DOK6: variants seen among roughly 807,000 people sequenced by gnomAD.
The protein encoded by DOK6 is downstream of tyrosine kinase 6.
In DOK6, 22 loss-of-function variants were observed where a neutral mutation model predicts 44.0. The ratio of observed to expected loss-of-function variants is 0.50; its 90% CI spans 0.36 to 0.71. The LOEUF (loss-of-function observed/expected upper bound fraction) is 0.71. Ranked by LOEUF, DOK6 falls within the 30% of genes least tolerant of loss-of-function variation. DOK6 has a pLI of 0.00. For missense variants in DOK6, 340 were observed against 416.4 expected, an observed-to-expected ratio of 0.82 and a Z score of 1.60; for synonymous variants, 166 against 145.5, an observed-to-expected ratio of 1.14 and a Z score of -1.01.
rs3044887 is a variant in DOK6 at position 69,485,881 on chromosome 18, A to ATGTGTGTGTGTGTG, written c.67-78594_67-78581dup. Among the ~76,000 whole-genome samples, 1,423 of 147,168 alleles carry ATGTGTGTGTGTGTG rather than the reference A, an allele frequency of 9.7e-3. 24 individuals are homozygous for ATGTGTGTGTGTGTG. The highest frequency in any genetic ancestry group is 0.033 in the African/African-American group (1,336 of 40,032). On this transcript the variant is annotated intron_variant, in intron 1 of 7. Coordinates refer to ENST00000382713, the MANE Select transcript of DOK6 (RefSeq NM_152721.6). The stretch of plus-strand genomic sequence containing the variant: ...ATCCATATATATAGTATACGTATAT[A>ATGTGTGTGTGTGTG]TGTGTGTGTGTGTGTGTGTGTGTGT...
chr18:69,582,405 A>G (rs1187102388), intron 2 of DOK6, among the ~76,000 whole-genome samples: 1 of 152,218 alleles, frequency 6.6e-6, no homozygotes, highest in South Asian at 2.1e-4. Context: ...CATGATTGGC[A>G]GTTAACTTGT....
intron 1 of DOK6, among the ~76,000 whole-genome samples, chr18:69,458,222 G>C (rs915902022): frequency 6.6e-6 from 1 of 152,152 alleles, no homozygotes; most frequent in African/African-American, 2.4e-5. Context: ...CTTTATTCCT[G>C]GGATGCAAGG....
intron 2 of DOK6, among the ~76,000 whole-genome samples, chr18:69,593,874 TG>T (rs1399784101): frequency 1.3e-5 from 2 of 152,202 alleles, no homozygotes; most frequent in Non-Finnish European, 2.9e-5. Context: ...ATATCATTCT[TG>T]TGTTTATCTT....
At chr18:69,479,268 A>G (rs1980353582) in intron 1 of DOK6, among the ~76,000 whole-genome samples, 1 of 152,152 alleles carries the variant, frequency 6.6e-6, no homozygotes, top group Admixed American at 6.5e-5. Flanking sequence ...AGTTGAAAAT[A>G]TGAGAATAAA....
chr18:69,652,508 G>C (rs1321068085), intron 3 of DOK6, among the ~76,000 whole-genome samples: 1 of 152,184 alleles, frequency 6.6e-6, no homozygotes, highest in Non-Finnish European at 1.5e-5. Context: ...TTGAGGAGTA[G>C]ATGAGTTTAT....
intron 1 of DOK6, among the ~76,000 whole-genome samples, chr18:69,408,257 G>A (rs1274927217): frequency 4.6e-5 from 7 of 152,174 alleles, no homozygotes; most frequent in Admixed American, 4.6e-4. Flanking sequence ...TTGGTTTAAA[G>A]CTGATACAAT....
intron 7 of DOK6, among the ~76,000 whole-genome samples, chr18:69,786,952 A>G (rs185525069): frequency 1.4e-3 from 209 of 152,358 alleles, no homozygotes; most frequent in African/African-American, 4.9e-3. Flanking sequence ...TTGGTGGCTC[A>G]CGCCTGTAAT....
At chr18:69,593,162 T>G (rs1054210415) in intron 2 of DOK6, among the ~76,000 whole-genome samples, 3 of 152,068 alleles carry the variant, frequency 2.0e-5, no homozygotes, top group African/African-American at 7.2e-5. Context: ...GCCAAGAGTT[T>G]AAGACCAGAC....
At chr18:69,586,778 C>T (rs796228246) in intron 2 of DOK6, among the ~76,000 whole-genome samples, 5 of 152,164 alleles carry the variant, frequency 3.3e-5, no homozygotes, top group South Asian at 2.1e-4. Context: ...CCTGGGGCCC[C>T]GATACTGACA....
intron 7 of DOK6, among the ~76,000 whole-genome samples, chr18:69,787,917 A>G (rs974907005): frequency 1.4e-4 from 22 of 152,220 alleles, no homozygotes; most frequent in Non-Finnish European, 2.8e-4. Context: ...TAGACTAAAT[A>G]TATTCAGCCT....
intron 7 of DOK6, among the ~76,000 whole-genome samples, chr18:69,836,422 C>G (rs1982055574): frequency 6.6e-6 from 1 of 151,826 alleles, no homozygotes; most frequent in Non-Finnish European, 1.5e-5. Flanking sequence ...TAGTGAGAAG[C>G]TGGCAGGTAG....
chr18:69,606,907 A>T (rs1368880909), intron 3 of DOK6, among the ~76,000 whole-genome samples: 1 of 152,088 alleles, frequency 6.6e-6, no homozygotes, highest in African/African-American at 2.4e-5. Flanking sequence ...AAATTTTAAA[A>T]AATAAGCCTA....
intron 7 of DOK6, among the ~76,000 whole-genome samples, chr18:69,828,882 G>GTATATATATATATATA (rs1475499795): frequency 4.8e-4 from 12 of 25,114 alleles, no homozygotes; most frequent in Admixed American, 2.8e-3. Flanking sequence ...ATACATTTAT[G>GTATATATATATATATA]TGTATATATA....
chr18:69,703,545 A>G (rs1024104644), intron 5 of DOK6, among the ~76,000 whole-genome samples: 4 of 152,192 alleles, frequency 2.6e-5, no homozygotes, highest in Admixed American at 6.5e-5. Context: ...AAAAACATTA[A>G]TGATGTCAAC....
chr18:69,761,615 A>G (rs1279746696), intron 7 of DOK6, among the ~76,000 whole-genome samples: 1 of 152,144 alleles, frequency 6.6e-6, no homozygotes, highest in African/African-American at 2.4e-5. Context: ...GCTACCCGTC[A>G]GGGCTGAGTT....
intron 4 of DOK6, among the ~76,000 whole-genome samples, chr18:69,695,186 G>A (rs576902432): frequency 7.2e-5 from 11 of 152,184 alleles, no homozygotes; most frequent in Non-Finnish European, 1.2e-4. Flanking sequence ...AGTGTGGTCC[G>A]CAGAGAAGCA....
chr18:69,445,828 G>A (rs191558704), intron 1 of DOK6, among the ~76,000 whole-genome samples: 1 of 152,290 alleles, frequency 6.6e-6, no homozygotes, highest in Admixed American at 6.5e-5. Context: ...CAAGGTCACA[G>A]TGAGCTATGA....
intron 4 of DOK6, among the ~76,000 whole-genome samples, chr18:69,694,201 C>T (rs1206995761): frequency 6.6e-6 from 1 of 151,794 alleles, no homozygotes; most frequent in African/African-American, 2.4e-5. Flanking sequence ...GCCCCTTTTC[C>T]CTGAGTACAG....
At chr18:69,466,359 G>T (rs1422537723) in intron 1 of DOK6, among the ~76,000 whole-genome samples, 4 of 151,910 alleles carry the variant, frequency 2.6e-5, no homozygotes, top group Non-Finnish European at 5.9e-5. Flanking sequence ...TTTTTTGAAG[G>T]CTCAATAATA....
Sources: gnomAD v4.1 joint callset for allele counts (sites outside exome capture counted in the v4.1 genomes callset) on GRCh38, gnomAD v4.1.1 for gene constraint, MANE v1.5 for transcripts, NCBI Gene and HGNC (gene_info 2026-07-23, HGNC 2026-07-21) for gene names.